ADORA2B: variants seen among roughly 807,000 people sequenced by gnomAD.
ADORA2B encodes the protein adenosine A2b receptor, also known as adenosine receptor A2b.
In ADORA2B, 18 loss-of-function variants were observed where a neutral mutation model predicts 20.8. The ratio of observed to expected loss-of-function variants is 0.87; its 90% CI spans 0.60 to 1.29. The LOEUF is 1.29. ADORA2B is among the 50% of genes most tolerant of loss of function. The pLI is 0.00. For missense variants in ADORA2B, 441 were observed against 422.7 expected, an observed-to-expected ratio of 1.04 and a Z score of -0.38; for synonymous variants, 179 against 178.3, an observed-to-expected ratio of 1.00 and a Z score of -0.03.
intron 1 of ADORA2B, among the ~76,000 whole-genome samples, chr17:15,949,839 C>A (rs1292034715): frequency 2.0e-5 from 3 of 152,056 alleles, no homozygotes; most frequent in Non-Finnish European, 2.9e-5. Flanking sequence ...GTGACAATAG[C>A]GAAACTCTGT....
the ADORA2B span, chr17:15,858,650 A>G: frequency 6.6e-6 from 1 of 152,460 alleles, no homozygotes; most frequent in Non-Finnish European, 1.5e-5. Flanking sequence ...GGACGCACAC[A>G]CGCGTGCGCA....
At chr17:15,950,436 C>A (rs998460988) in intron 1 of ADORA2B, among the ~76,000 whole-genome samples, 1 of 152,208 alleles carries the variant, frequency 6.6e-6, no homozygotes, top group Non-Finnish European at 1.5e-5. Flanking sequence ...CCTTCACTTC[C>A]TCATCCACTC....
the ADORA2B span, among the ~76,000 whole-genome samples, chr17:15,855,182 C>T: frequency 8.5e-5 from 13 of 152,092 alleles, no homozygotes; most frequent in South Asian, 2.1e-4. Flanking sequence ...CCACCCGCCT[C>T]GGCCTCCCAA....
At chr17:15,962,471 C>T (rs1597427633) in intron 1 of ADORA2B, among the ~76,000 whole-genome samples, 1 of 152,046 alleles carries the variant, frequency 6.6e-6, no homozygotes, top group Non-Finnish European at 1.5e-5. Flanking sequence ...TATGGACTTA[C>T]AGAATTTTAT....
the ADORA2B span, among the ~76,000 whole-genome samples, chr17:15,883,399 A>G: frequency 6.6e-6 from 1 of 152,228 alleles, no homozygotes; most frequent in African/African-American, 2.4e-5. Context: ...CACATAGGCC[A>G]GGAATATGGG....
intron 1 of ADORA2B, among the ~76,000 whole-genome samples, chr17:15,957,807 C>T (rs1969987017): frequency 6.6e-6 from 1 of 152,186 alleles, no homozygotes; most frequent in Non-Finnish European, 1.5e-5. Flanking sequence ...TCCGCCCAAC[C>T]TTCTTTGGTG....
At chr17:15,869,648 G>A in the ADORA2B span, among the ~76,000 whole-genome samples, 1 of 152,158 alleles carries the variant, frequency 6.6e-6, no homozygotes, top group Non-Finnish European at 1.5e-5. Flanking sequence ...CGTCAGGAAT[G>A]GACCTGAGGG....
At chr17:15,923,549 C>T in the ADORA2B span, among the ~76,000 whole-genome samples, 20 of 151,998 alleles carry the variant, frequency 1.3e-4, no homozygotes, top group Admixed American at 3.3e-4. Flanking sequence ...AGACTACAGG[C>T]GCCCACCACC....
the ADORA2B span, among the ~76,000 whole-genome samples, chr17:15,893,152 G>A: frequency 6.6e-5 from 10 of 152,156 alleles, no homozygotes; most frequent in African/African-American, 2.4e-4. Context: ...ATAAAATTCT[G>A]TGTATTACAC....
chr17:15,933,451 A>G, the ADORA2B span, among the ~76,000 whole-genome samples: 1 of 152,182 alleles, frequency 6.6e-6, no homozygotes, highest in East Asian at 1.9e-4. Context: ...CTTTCCAGTT[A>G]TTTGGGTATT....
chr17:15,907,263 C>G, the ADORA2B span, among the ~76,000 whole-genome samples: 1 of 151,842 alleles, frequency 6.6e-6, no homozygotes, highest in East Asian at 1.9e-4. Context: ...ATGTTTCACT[C>G]CTTTCCCACA....
chr17:15,969,409 C>T (rs187179297), intron 1 of ADORA2B, among the ~76,000 whole-genome samples: 11 of 152,174 alleles, frequency 7.2e-5, no homozygotes, highest in East Asian at 5.8e-4. Flanking sequence ...AGCTGAGACG[C>T]GCCATTGCAC....
chr17:15,857,296 G>A, the ADORA2B span, among the ~76,000 whole-genome samples: 1 of 152,222 alleles, frequency 6.6e-6, no homozygotes, highest in Non-Finnish European at 1.5e-5. Flanking sequence ...TGACCAGGCA[G>A]AAATCTGCTG....
the ADORA2B span, among the ~76,000 whole-genome samples, chr17:15,907,587 A>G: frequency 6.6e-6 from 1 of 152,216 alleles, no homozygotes; most frequent in Admixed American, 6.5e-5. Context: ...TGCGTGCTCA[A>G]TACAAGCTTA....
In ADORA2B at chr17:15,974,882, G is replaced by A. The variant is rs1970231667; in HGVS notation, c.539G>A (p.Ser180Asn). 1.9e-6 allele frequency: 3 copies of A among 1,614,160 alleles called. No homozygotes were observed. The highest frequency in any genetic ancestry group is 1.7e-6 in the Non-Finnish European group (2 of 1,180,014). The change falls in exon 2 of 2, where the codon AGC becomes AAC. Residue 180 changes from serine to asparagine, a missense_variant. By Grantham distance (46) the Ser-to-Asn change is conservative. Transcript: ENST00000304222. Reference protein sequence around the residue: ...KCLFENVVPMSYMVYFNFFGC... With the variant: ...KCLFENVVPMNYMVYFNFFGC... ...CTCTTTGAGAATGTGGTCCCCATGA[G>A]CTACATGGTATATTTCAATTTCTTT...
the ADORA2B span, among the ~76,000 whole-genome samples, chr17:15,850,921 C>T: frequency 6.6e-6 from 1 of 152,134 alleles, no homozygotes; most frequent in Non-Finnish European, 1.5e-5. Context: ...TTGTCGGTAA[C>T]AGGGAGTGAA....
chr17:15,866,975 C>T, the ADORA2B span, among the ~76,000 whole-genome samples: 6 of 152,244 alleles, frequency 3.9e-5, no homozygotes, highest in Non-Finnish European at 5.9e-5. Flanking sequence ...TTGGTGGAGA[C>T]GGGGTTTCGA....
At chr17:15,867,933 G>A in the ADORA2B span, among the ~76,000 whole-genome samples, 4 of 151,922 alleles carry the variant, frequency 2.6e-5, no homozygotes, top group South Asian at 8.3e-4. Context: ...ATAGAAAGGG[G>A]GGAAAGGTGG....
chr17:15,879,540 CTTT>C, the ADORA2B span, among the ~76,000 whole-genome samples: 69 of 139,410 alleles, frequency 4.9e-4, 1 homozygote, highest in African/African-American at 1.7e-3. Context: ...AAAGGATTTT[CTTT>C]TTTTTTTTTT....
Sources: allele counts gnomAD v4.1 joint callset (sites outside exome capture counted in the v4.1 genomes callset), GRCh38; gene constraint gnomAD v4.1.1; transcripts MANE v1.5; gene names NCBI Gene and HGNC (gene_info 2026-07-23, HGNC 2026-07-21).